Variants in SEMA3C observed in about 807,000 individuals in gnomAD.
SEMA3C encodes semaphorin 3C, also known as semaphorin-3C.
Under a neutral mutation model 89.4 loss-of-function variants are expected in SEMA3C, and 47 were observed. The ratio of observed to expected loss-of-function variants is 0.53; its 90% CI spans 0.42 to 0.67. The LOEUF (loss-of-function observed/expected upper bound fraction) is 0.67. Among genes scored for constraint, SEMA3C ranks in the 30% least tolerant of loss-of-function variants. The pLI is 0.00. For missense variants in SEMA3C, 839 were observed against 929.1 expected (o/e 0.90, Z 1.26); for synonymous variants, 310 against 320.2 (o/e 0.97, Z 0.34).
chr7:80,913,695 G>T (rs1792205252), intron 2 of SEMA3C, among the ~76,000 whole-genome samples: 1 of 152,190 alleles, frequency 6.6e-6, no homozygotes, highest in South Asian at 2.1e-4. Flanking sequence ...CAACATAGAA[G>T]ATTTAAGTAG....
At chr7:80,828,562 C>T in intron 3 of SEMA3C, 23 bp downstream of exon 3, 1 of 1,580,176 alleles carries the variant, frequency 6.3e-7, no homozygotes, top group South Asian at 1.2e-5. Context: ...TGGACACTGT[C>T]CTCGTGAAAG....
intron 13 of SEMA3C, among the ~76,000 whole-genome samples, chr7:80,763,808 AT>A (rs1231925210): frequency 6.6e-6 from 1 of 151,848 alleles, no homozygotes; most frequent in African/African-American, 2.4e-5. Flanking sequence ...GAGAAAAAAA[AT>A]ATGTTCTATA....
Position 80,903,645 on chromosome 7 carries a change from G to C in SEMA3C, c.103+13034C>G, listed in dbSNP as rs185102105. On this transcript the variant is annotated intron_variant, in intron 2 of 17. Transcript: ENST00000265361. ...CCACTGCACTCCAGCCTGGGTGACA[G>C]AGCAAGACTCTGTCTCAAAAAAATT... Among the ~76,000 whole-genome samples the C allele has an allele frequency of 4.3e-3, 649 of 152,236 alleles. 8 individuals carry two copies. Among genetic ancestry groups the C allele is most frequent in the Admixed American group, 0.018 (270 of 15,286 alleles).
rs1788116544 is a variant in SEMA3C at position 80,758,502 on chromosome 7, G to A, written c.1486-14C>T. 1 of 1,611,770 alleles carries A rather than the reference G, an allele frequency of 6.2e-7. No individual in the cohort carries two copies. The highest frequency in any genetic ancestry group is 1.7e-5 in the Admixed American group (1 of 59,934). ...ATACAACTGTTGCTATTAAAGGAAT[G>A]ATGATGATTTATTTCAGATGTGGAA... On this transcript the variant is annotated splice_polypyrimidine_tract_variant and intron_variant, in intron 14 of 17. Transcript: ENST00000265361.
intron 12 of SEMA3C, among the ~76,000 whole-genome samples, chr7:80,784,271 T>TA (rs562925081): frequency 9.1e-4 from 121 of 133,058 alleles, no homozygotes; most frequent in Middle Eastern, 3.7e-3. Context: ...TCCTCAAGAT[T>TA]AAAAAAAAAA....
chr7:80,899,133 C>T (rs1350450270), intron 2 of SEMA3C, among the ~76,000 whole-genome samples: 3 of 152,150 alleles, frequency 2.0e-5, no homozygotes, highest in Admixed American at 6.5e-5. Flanking sequence ...CTCCGCCGCC[C>T]GGGCTCAAGC....
Position 80,789,456 on chromosome 7 carries a change from G to A in SEMA3C, c.1204C>T (p.Arg402Trp), listed in dbSNP as rs763944597. 1.2e-5 allele frequency: 20 copies of A among 1,613,902 alleles called. No homozygotes were observed. The highest frequency in any genetic ancestry group is 1.5e-5 in the Non-Finnish European group (18 of 1,179,984). ...EFPDDVVTFIRNHPLMYNSIY... is the reference protein window; with the variant it reads ...EFPDDVVTFIWNHPLMYNSIY... ...GAATTGTACATGAGAGGATGGTTCC[G>A]AATAAAAGTGACAACATCATCTGGG... The change falls in exon 12 of 18, where the codon CGG becomes TGG. Residue 402 changes from arginine to tryptophan, a missense_variant. By Grantham distance (101) the Arg-to-Trp change is moderately radical (BLOSUM62 -3). Coordinates refer to ENST00000265361, the MANE Select transcript of SEMA3C (RefSeq NM_006379.5).
At chr7:80,775,767 G>A (rs189067524) in intron 12 of SEMA3C, among the ~76,000 whole-genome samples, 5 of 152,064 alleles carry the variant, frequency 3.3e-5, no homozygotes, top group African/African-American at 9.6e-5. Flanking sequence ...CCAAGGTTCT[G>A]CAAGTCATTT....
At chr7:80,865,319 A>G (rs1179033448) in intron 2 of SEMA3C, among the ~76,000 whole-genome samples, 1 of 152,130 alleles carries the variant, frequency 6.6e-6, no homozygotes, top group Non-Finnish European at 1.5e-5. Context: ...ATTAGACTTA[A>G]TAACACTTAG....
rs201546098 is a variant in SEMA3C, at chr7:80,745,114, C to G, written c.2036G>C (p.Trp679Ser). The G allele has an allele frequency of 1.2e-5, 19 of 1,613,978 alleles. No individual in the cohort carries two copies. Among genetic ancestry groups the G allele is most frequent in the Non-Finnish European group, 1.6e-5 (19 of 1,179,974 alleles). Reference sequence around the variant, plus strand: ...GGGTAAAGCCCTCACAGAGCTGGCCCAGGTCCATGGGGACCATTTGTCCGT... The same window carrying G: ...GGGTAAAGCCCTCACAGAGCTGGCCGAGGTCCATGGGGACCATTTGTCCGT... ...VVTDKWSPWT[W>S]ASSVRALPFH... Residue 679 changes from tryptophan to serine, a missense_variant, in exon 18 of 18, where the codon TGG (tryptophan) becomes TCG (serine). Coordinates refer to ENST00000265361, the MANE Select transcript of SEMA3C (RefSeq NM_006379.5).
intron 2 of SEMA3C, among the ~76,000 whole-genome samples, chr7:80,910,654 CTTTTT>C (rs777385675): frequency 7.6e-6 from 1 of 131,054 alleles, no homozygotes; most frequent in Admixed American, 7.7e-5. Context: ...AATGCTCGTT[CTTTTT>C]TTTTTTTTTT....
chr7:80,765,511 G>A lies in SEMA3C; in HGVS notation c.1355-268C>T, dbSNP rs557485721. ...CTATGAGAGAAGGAAAGAATGTTAA[G>A]TCAAAAGTTCGGAACCAAATGTGTA... On this transcript the variant is annotated intron_variant, in intron 12 of 17. Transcript: ENST00000265361. Among the ~76,000 whole-genome samples, 53 of 152,262 alleles carry A rather than the reference G, an allele frequency of 3.5e-4. 1 individual carries two copies. The highest frequency in any genetic ancestry group is 1.2e-3 in the African/African-American group (48 of 41,550).
intron 2 of SEMA3C, chr7:80,906,035 A>G (rs61611855): frequency 4.5e-4 from 201 of 442,024 alleles, no homozygotes; most frequent in African/African-American, 4.0e-3. Context: ...AGACAGATGG[A>G]CATAACAAGC....
At chr7:80,753,069 T>A (rs2117036677) in intron 15 of SEMA3C, among the ~76,000 whole-genome samples, 1 of 152,328 alleles carries the variant, frequency 6.6e-6, no homozygotes, top group Admixed American at 6.5e-5. Flanking sequence ...CTACTTCATG[T>A]ACACAATGGA....
rs750604226 is a variant in SEMA3C, at chr7:80,898,065, TAA to T, written c.103+18612_103+18613del. Among the ~76,000 whole-genome samples the T allele has an allele frequency of 1.3e-4, 20 of 152,144 alleles. No homozygotes were observed. The East Asian group carries it at 3.1e-3, about 24-fold the overall frequency. The stretch of plus-strand genomic sequence containing the variant: ...CTTTTTTCTAAAATATATCGTAGAT[TAA>T]AAAACAGAAAAATAAGCCAGGCATG... On this transcript the variant is annotated intron_variant, in intron 2 of 17. Transcript: ENST00000265361.
chr7:80,853,028 T>C (rs990712868), intron 2 of SEMA3C, among the ~76,000 whole-genome samples: 2 of 152,186 alleles, frequency 1.3e-5, no homozygotes, highest in Middle Eastern at 6.8e-3. Context: ...CAGATATACA[T>C]AAAGGTGTTC....
At chr7:80,745,669 T>C (rs1172288857) in intron 17 of SEMA3C, among the ~76,000 whole-genome samples, 1 of 152,156 alleles carries the variant, frequency 6.6e-6, no homozygotes, top group Non-Finnish European at 1.5e-5. Context: ...ATGAAACTCA[T>C]AGATACTTTA....
intron 2 of SEMA3C, among the ~76,000 whole-genome samples, chr7:80,914,729 G>A (rs1429536299): frequency 6.6e-6 from 1 of 152,254 alleles, no homozygotes; most frequent in South Asian, 2.1e-4. Context: ...AACAACTCAT[G>A]TCATATTCTA....
At chr7:80,780,383 G>T (rs1407043824) in intron 12 of SEMA3C, among the ~76,000 whole-genome samples, 4 of 152,084 alleles carry the variant, frequency 2.6e-5, no homozygotes, top group Non-Finnish European at 5.9e-5. Flanking sequence ...ATTCTATACT[G>T]GTTGAGAAAG....
Sources: gnomAD v4.1 joint callset for allele counts (sites outside exome capture counted in the v4.1 genomes callset) on GRCh38, gnomAD v4.1.1 for gene constraint, MANE v1.5 for transcripts, NCBI Gene and HGNC (gene_info 2026-07-23, HGNC 2026-07-21) for gene names.